Variants in SORCS1 observed in about 807,000 individuals in gnomAD.
SORCS1 encodes the protein sortilin related VPS10 domain containing receptor 1, also known as VPS10 domain-containing receptor SorCS1.
In SORCS1, 60 loss-of-function variants were observed where a neutral mutation model predicts 146.1. The observed-to-expected ratio is 0.41, with a 90% CI of 0.33 to 0.51. The LOEUF is 0.51. Ranked by LOEUF, SORCS1 falls within the 20% of genes least tolerant of loss-of-function variation. The pLI is 0.21. For synonymous variants in SORCS1, 637 were observed against 584.0 expected (o/e 1.09, Z -1.31); for missense variants, 1,352 against 1,487.6 (o/e 0.91, Z 1.50).
At chr10:106,792,205 A>G (rs1946351061) in intron 3 of SORCS1, among the ~76,000 whole-genome samples, 1 of 152,258 alleles carries the variant, frequency 6.6e-6, no homozygotes, top group Non-Finnish European at 1.5e-5. Flanking sequence ...CTCGAAGACA[A>G]TTAAGAAATT....
intron 9 of SORCS1, among the ~76,000 whole-genome samples, chr10:106,690,143 A>C (rs1161890948): frequency 1.3e-5 from 2 of 152,214 alleles, no homozygotes; most frequent in African/African-American, 2.4e-5. Flanking sequence ...ATTACAAATA[A>C]TATTTAGTAA....
At chr10:106,598,356 G>T (rs1170980209) in intron 23 of SORCS1, among the ~76,000 whole-genome samples, 1 of 151,518 alleles carries the variant, frequency 6.6e-6, no homozygotes, top group African/African-American at 2.4e-5. Context: ...CCACCTCCTG[G>T]GTTCAAGCGA....
chr10:107,108,531 C>A (rs1177982857), intron 1 of SORCS1, among the ~76,000 whole-genome samples: 1 of 152,160 alleles, frequency 6.6e-6, no homozygotes, highest in Non-Finnish European at 1.5e-5. Context: ...ACCAAGCCAT[C>A]AGGAATCTAC....
chr10:107,155,355 C>A (rs1164465369), intron 1 of SORCS1, among the ~76,000 whole-genome samples: 1 of 152,118 alleles, frequency 6.6e-6, no homozygotes, highest in Non-Finnish European at 1.5e-5. Context: ...TGAGTGTTCC[C>A]AAGAATCTCC....
intron 8 of SORCS1, among the ~76,000 whole-genome samples, chr10:106,704,909 A>C (rs1024739937): frequency 6.6e-6 from 1 of 152,192 alleles, no homozygotes; most frequent in African/African-American, 2.4e-5. Context: ...TCAATGCTCA[A>C]GAGGAAAAAA....
At position 106,816,770 on chromosome 10, in the gene SORCS1, A is replaced by G. The variant is rs192725182; in HGVS notation, c.726+12804T>C. The stretch of plus-strand genomic sequence containing the variant: ...GTTTGAAAAAAATAATAATAATAAA[A>G]CGAAGACTAAAATGAATGCATCCCA... On this transcript the variant is annotated intron_variant, in intron 3 of 25. Coordinates refer to ENST00000263054, the MANE Select transcript of SORCS1 (RefSeq NM_052918.5). Among the ~76,000 whole-genome samples the G allele has an allele frequency of 1.7e-4, 26 of 152,302 alleles. 2 individuals carry two copies. Among genetic ancestry groups the G allele is most frequent in the African/African-American group, 5.5e-4 (23 of 41,562 alleles).
intron 1 of SORCS1, among the ~76,000 whole-genome samples, chr10:107,139,005 C>T (rs921085614): frequency 2.6e-5 from 4 of 152,122 alleles, no homozygotes; most frequent in Admixed American, 2.6e-4. Context: ...TGGTGCCAAC[C>T]AAATGAGGGT....
chr10:106,757,971 A>C (rs10786972), intron 5 of SORCS1, among the ~76,000 whole-genome samples: 31,199 of 152,140 alleles, frequency 0.21, 3,843 homozygotes, highest in East Asian at 0.48. Context: ...ATGAGGATTA[A>C]ATAGCTTAAG....
chr10:107,012,297 T>C (rs7091660), intron 1 of SORCS1, among the ~76,000 whole-genome samples: 26,449 of 152,128 alleles, frequency 0.17, 6,047 homozygotes, highest in African/African-American at 0.53. Flanking sequence ...TCAGCAGAGG[T>C]TTGCAGAACT....
chr10:106,609,007 A>G (rs1416995562), intron 22 of SORCS1, among the ~76,000 whole-genome samples: 1 of 152,184 alleles, frequency 6.6e-6, no homozygotes, highest in African/African-American at 2.4e-5. Flanking sequence ...TAGCCCTCCC[A>G]GAAAAGACAA....
In SORCS1 at chr10:106,598,399, C is replaced by T. The variant is rs1197058227; in HGVS notation, c.3166-949G>A. On this transcript the variant is annotated intron_variant, in intron 23 of 25. Coordinates refer to ENST00000263054, the MANE Select transcript of SORCS1 (RefSeq NM_052918.5). Reference sequence around the variant, plus strand: ...GCCTCAGCCTCCTGAGTAGTTGGGACTACAGGCGTAAGCCAACACACCCAG... The same window carrying T: ...GCCTCAGCCTCCTGAGTAGTTGGGATTACAGGCGTAAGCCAACACACCCAG... Among the ~76,000 whole-genome samples, 5 of 151,932 alleles carry T rather than the reference C, an allele frequency of 3.3e-5. No individual in the cohort carries two copies. The South Asian group carries it at 1.0e-3, about 32-fold the overall frequency.
At chr10:106,608,556 C>T (rs973976602) in intron 22 of SORCS1, among the ~76,000 whole-genome samples, 5 of 152,076 alleles carry the variant, frequency 3.3e-5, no homozygotes, top group Non-Finnish European at 7.3e-5. Context: ...TGCTAAGTAA[C>T]TTATATTATT....
intron 1 of SORCS1, among the ~76,000 whole-genome samples, chr10:107,072,063 G>T (rs758765322): frequency 6.6e-6 from 1 of 152,210 alleles, no homozygotes; most frequent in Non-Finnish European, 1.5e-5. Context: ...CAAACTGGAT[G>T]CAGCTGCAGC....
chr10:107,094,414 C>T (rs979234560), intron 1 of SORCS1, among the ~76,000 whole-genome samples: 1 of 152,122 alleles, frequency 6.6e-6, no homozygotes, highest in Admixed American at 6.5e-5. Context: ...TTACTGAAAT[C>T]ATATTTCTGT....
chr10:107,076,129 C>T (rs539995529), intron 1 of SORCS1, among the ~76,000 whole-genome samples: 12 of 152,204 alleles, frequency 7.9e-5, no homozygotes, highest in African/African-American at 2.9e-4. Flanking sequence ...CAGCTGCCCA[C>T]AGGTTAGTGA....
At chr10:106,917,481 G>A (rs1189739488) in intron 2 of SORCS1, among the ~76,000 whole-genome samples, 1 of 152,052 alleles carries the variant, frequency 6.6e-6, no homozygotes, top group Non-Finnish European at 1.5e-5. Flanking sequence ...TAGTATCCCC[G>A]ATGGTACTAA....
intron 4 of SORCS1, among the ~76,000 whole-genome samples, chr10:106,766,675 G>C (rs922978775): frequency 2.0e-5 from 3 of 152,190 alleles, no homozygotes; most frequent in Non-Finnish European, 4.4e-5. Context: ...GATAGTGAAA[G>C]AGCCATGATG....
chr10:107,109,978 C>T (rs1406686538), intron 1 of SORCS1, among the ~76,000 whole-genome samples: 1 of 152,180 alleles, frequency 6.6e-6, no homozygotes, highest in African/African-American at 2.4e-5. Flanking sequence ...ACATAGATCA[C>T]AATACAGCCA....
chr10:106,951,886 T>C lies in SORCS1; in HGVS notation c.626+4627A>G, dbSNP rs555065198. Among the ~76,000 whole-genome samples the C allele has an allele frequency of 5.3e-5, 8 of 152,262 alleles. No individual in the cohort carries two copies. In the South Asian group the frequency reaches 6.2e-4, roughly 12 times the overall value. On this transcript the variant is annotated intron_variant, in intron 2 of 25. Transcript: ENST00000263054. ...TACTGAAACCTCCCCAATAGTCCCATAGACACTTCTTTTGGATAAAAATAG... is the reference window on the plus strand; with the variant it reads ...TACTGAAACCTCCCCAATAGTCCCACAGACACTTCTTTTGGATAAAAATAG...
Sources: allele counts gnomAD v4.1 joint callset (sites outside exome capture counted in the v4.1 genomes callset), GRCh38; gene constraint gnomAD v4.1.1; transcripts MANE v1.5; gene names NCBI Gene and HGNC (gene_info 2026-07-23, HGNC 2026-07-21).